The following GALNT5 variants were observed in gnomAD, a reference collection of about 807,000 sequenced individuals.
GALNT5 encodes polypeptide N-acetylgalactosaminyltransferase 5, also known as UDP-GalNAc:polypeptide N-acetylgalactosaminyltransferase 5.
GALNT5 carries 72 observed loss-of-function variants against 85.4 expected under a neutral mutation model. That is an observed-to-expected ratio of 0.84 (90% confidence interval 0.70 to 1.03). The LOEUF (loss-of-function observed/expected upper bound fraction) is 1.03. GALNT5 is among the 50% of genes least tolerant of loss of function. The probability of loss-of-function intolerance (pLI) is 0.00; values close to 1 mark genes in which losing one functional copy is unlikely to be tolerated. For synonymous variants in GALNT5, 404 were observed against 397.0 expected (o/e 1.02, Z -0.21); for missense variants, 1,137 against 1,135.5 (o/e 1.00, Z -0.02).
intron 4 of GALNT5, 60 bp downstream of exon 4, chr2:157,295,858 A>C: frequency 7.6e-7 from 1 of 1,312,096 alleles, no homozygotes; most frequent in Non-Finnish European, 1.1e-6. Context: ...AAGCAGCAGA[A>C]AGTGCTGAGT....
At chr2:157,276,064 A>T (rs572324643) in intron 1 of GALNT5, among the ~76,000 whole-genome samples, 144 of 152,304 alleles carry the variant, frequency 9.5e-4, no homozygotes, top group African/African-American at 3.1e-3. Flanking sequence ...CCTTTTCTGC[A>T]TCTATTCAGA....
rs371810949 is a variant in GALNT5, at chr2:157,315,061, G to A, written c.*3713G>A. On this transcript the variant is annotated 3_prime_UTR_variant, in exon 10 of 10. Coordinates refer to ENST00000259056, the MANE Select transcript of GALNT5 (RefSeq NM_014568.3). Reference sequence around the variant, plus strand: ...CCACTGCACTCCAGCCTAGACAACAGAGCAAGACTCTATCTCAAAAAATAA... The same window carrying A: ...CCACTGCACTCCAGCCTAGACAACAAAGCAAGACTCTATCTCAAAAAATAA... Among the ~76,000 whole-genome samples the A allele has an allele frequency of 6.6e-6, 1 of 152,036 alleles. No individual in the cohort carries two copies. The highest frequency in any genetic ancestry group is 6.6e-5 in the Admixed American group (1 of 15,262).
At chr2:157,298,255 A>G (rs1211295310) in intron 5 of GALNT5, among the ~76,000 whole-genome samples, 1 of 152,152 alleles carries the variant, frequency 6.6e-6, no homozygotes, top group Non-Finnish European at 1.5e-5. Flanking sequence ...ATCAAAAGGA[A>G]AACACCTGGG....
chr2:157,283,566 A>G (rs548501250), intron 1 of GALNT5, among the ~76,000 whole-genome samples: 2 of 152,336 alleles, frequency 1.3e-5, no homozygotes, highest in Non-Finnish European at 2.9e-5. Flanking sequence ...CGGAAGCTAA[A>G]AAGAGTTTAA....
rs749169356 is a variant in GALNT5 at position 157,296,472 on chromosome 2, T to A, written c.1956T>A (p.Asp652Glu). Residue 652 changes from aspartate (D) to glutamate (E), a missense_variant, in exon 5 of 10, where the codon GAT becomes GAA. Physicochemically the swap from Asp to Glu is conservative, Grantham distance 45 (BLOSUM62 2). Transcript: ENST00000259056. ...TTGGTTGGAGAACAATTCCTCCAGA[T>A]GTCATTGCAAAAAACAGAATTAAAG... ...MNFGWRTIPP[D>E]VIAKNRIKET... is the part of the protein sequence containing the mutation. 1.9e-6 allele frequency: 3 copies of A among 1,609,972 alleles called. No homozygotes were observed. Among genetic ancestry groups the A allele is most frequent in the Non-Finnish European group, 1.7e-6 (2 of 1,176,338 alleles).
chr2:157,294,667 C>G (rs1683171414), intron 3 of GALNT5, among the ~76,000 whole-genome samples: 1 of 152,006 alleles, frequency 6.6e-6, no homozygotes, highest in South Asian at 2.1e-4. Context: ...CCCATGAGCC[C>G]CAGTAGGTAG....
chr2:157,290,340 T>C (rs1248433576), intron 3 of GALNT5, among the ~76,000 whole-genome samples: 1 of 152,058 alleles, frequency 6.6e-6, no homozygotes, highest in Non-Finnish European at 1.5e-5. Flanking sequence ...GAAAGGTTTG[T>C]CTCGATGTAT....
intron 1 of GALNT5, among the ~76,000 whole-genome samples, chr2:157,264,524 G>A (rs1387392630): frequency 2.6e-5 from 4 of 152,100 alleles, no homozygotes; most frequent in Non-Finnish European, 4.4e-5. Context: ...AATTAAAATG[G>A]TCTTTATTCT....
rs1346650801 is a variant in GALNT5 at position 157,314,946 on chromosome 2, T to C, written c.*3598T>C. ...TACAAAAATTAGCTGGGCATGGTGG[T>C]GGGCGCCTGTAATCCCAGCTACCTG... On this transcript the variant is annotated 3_prime_UTR_variant, in exon 10 of 10. Coordinates refer to ENST00000259056, the MANE Select transcript of GALNT5 (RefSeq NM_014568.3). Among the ~76,000 whole-genome samples, 2 of 151,926 alleles carry C rather than the reference T, an allele frequency of 1.3e-5. No homozygotes were observed. Among genetic ancestry groups the C allele is most frequent in the South Asian group, 2.1e-4 (1 of 4,814 alleles).
At chr2:157,307,397 G>T (rs1329175084) in intron 8 of GALNT5, among the ~76,000 whole-genome samples, 2 of 152,136 alleles carry the variant, frequency 1.3e-5, no homozygotes, top group Non-Finnish European at 2.9e-5. Flanking sequence ...TACCTAAAAA[G>T]TTTCCTTAGT....
Position 157,258,861 on chromosome 2 carries a change from C to A in GALNT5, c.779C>A (p.Thr260Asn), listed in dbSNP as rs757149965. The change falls in exon 1 of 10, where the codon ACT becomes AAT. Residue 260 changes from threonine (T) to asparagine (N), a missense_variant. Coordinates refer to ENST00000259056, the MANE Select transcript of GALNT5 (RefSeq NM_014568.3). ...GCCATGGCCTTAAACAAAACTAAGA[C>A]TCAGAGCAAAGAAGTCAATGCAAAT... Reference protein sequence around the residue: ...GEAMALNKTKTQSKEVNANKH... With the variant: ...GEAMALNKTKNQSKEVNANKH... 5 of 1,574,824 alleles carry A rather than the reference C, an allele frequency of 3.2e-6. No individual in the cohort carries two copies. The Admixed American group carries it at 9.5e-5, about 30-fold the overall frequency.
At chr2:157,274,796 T>C (rs932679529) in intron 1 of GALNT5, among the ~76,000 whole-genome samples, 1 of 152,208 alleles carries the variant, frequency 6.6e-6, no homozygotes, top group Non-Finnish European at 1.5e-5. Flanking sequence ...TTCACTCTGA[T>C]GGTAGTTTCT....
At chr2:157,264,180 C>T (rs1189755153) in intron 1 of GALNT5, among the ~76,000 whole-genome samples, 1 of 147,966 alleles carries the variant, frequency 6.8e-6, no homozygotes, top group Non-Finnish European at 1.5e-5. Context: ...CACATACACA[C>T]ACACACACAC....
At chr2:157,304,034 T>C (rs902644492) in intron 7 of GALNT5, among the ~76,000 whole-genome samples, 16 of 152,378 alleles carry the variant, frequency 1.1e-4, no homozygotes, top group African/African-American at 3.8e-4. Context: ...CCAAATTTGT[T>C]TGAAGATAGA....
intron 7 of GALNT5, among the ~76,000 whole-genome samples, chr2:157,304,648 A>G (rs1683415340): frequency 6.6e-6 from 1 of 152,182 alleles, no homozygotes; most frequent in African/African-American, 2.4e-5. Flanking sequence ...GTTTACACAT[A>G]CCTCTGTTTT....
intron 8 of GALNT5, 39 bp downstream of exon 8, chr2:157,305,868 G>A (rs1051497447): frequency 7.2e-6 from 8 of 1,114,320 alleles, no homozygotes; most frequent in Non-Finnish European, 1.1e-5. Context: ...TAGCTGATAG[G>A]TGCAGGGTAT....
chr2:157,317,104 A>G lies in GALNT5; in HGVS notation c.*5756A>G, dbSNP rs1297249160. 2.7e-5 allele frequency among the ~76,000 whole-genome samples: 4 copies of G among 150,498 alleles called. No individual in the cohort carries two copies. Among genetic ancestry groups the G allele is most frequent in the East Asian group, 3.9e-4 (2 of 5,178 alleles). On this transcript the variant is annotated 3_prime_UTR_variant, in exon 10 of 10. Transcript: ENST00000259056. ...ATTAGATGTTAAATTAAAATTTTTC[A>G]TAGCATGAATAGATTTTTAAGTGAC... is the stretch of plus-strand genomic sequence containing the variant.
At chr2:157,297,697 G>A (rs975798779) in intron 5 of GALNT5, among the ~76,000 whole-genome samples, 4 of 152,182 alleles carry the variant, frequency 2.6e-5, no homozygotes, top group African/African-American at 9.6e-5. Flanking sequence ...TGGTGGCGGA[G>A]GGGAGAGAGG....
intron 3 of GALNT5, among the ~76,000 whole-genome samples, chr2:157,286,936 G>A (rs185138177): frequency 4.3e-4 from 61 of 141,482 alleles, no homozygotes; most frequent in Admixed American, 1.1e-3. Flanking sequence ...GTGTGTGTGT[G>A]TATTTTAAGT....
Sources: allele counts gnomAD v4.1 joint callset (sites outside exome capture counted in the v4.1 genomes callset), GRCh38; gene constraint gnomAD v4.1.1; transcripts MANE v1.5; gene names NCBI Gene and HGNC (gene_info 2026-07-23, HGNC 2026-07-21).